HOMER2: variants seen among roughly 807,000 people sequenced by gnomAD.
HOMER2 encodes homer protein homolog 2.
In HOMER2, 27 loss-of-function variants were observed where a neutral mutation model predicts 47.0. That is an observed-to-expected ratio of 0.57 (90% CI 0.42 to 0.79). The LOEUF (loss-of-function observed/expected upper bound fraction) is 0.79, where lower values mean the gene tolerates loss of function less well. HOMER2 is among the 30% of genes least tolerant of loss of function. The probability of loss-of-function intolerance (pLI) is 0.00; values close to 1 mark genes in which losing one functional copy is unlikely to be tolerated. For missense variants in HOMER2, 443 were observed against 435.0 expected (o/e 1.02, Z -0.16); for synonymous variants, 161 against 163.8 (o/e 0.98, Z 0.13).
At chr15:82,964,739 C>T (rs560853156) in intron 1 of HOMER2, among the ~76,000 whole-genome samples, 65 of 152,210 alleles carry the variant, frequency 4.3e-4, no homozygotes, top group East Asian at 4.1e-3. Flanking sequence ...CACTGCACTC[C>T]GGCCTGGGTG....
At chr15:82,864,133 C>T in intron 4 of HOMER2, 34 bp downstream of exon 4, 1 of 1,406,410 alleles carries the variant, frequency 7.1e-7, no homozygotes, top group Non-Finnish European at 1.0e-6. Context: ...ATCACCAACC[C>T]CACTGGGATT....
At chr15:82,839,065 C>G (rs1421749173) in exon 2 of HOMER2, 1 of 151,648 alleles carries the variant, frequency 6.6e-6, no homozygotes, top group Non-Finnish European at 1.5e-5. Flanking sequence ...TCAGGACCAG[C>G]CTGGAAAACA....
At chr15:82,951,249 C>T (rs947894328) in intron 1 of HOMER2, among the ~76,000 whole-genome samples, 2 of 152,174 alleles carry the variant, frequency 1.3e-5, no homozygotes, top group Non-Finnish European at 2.9e-5. Flanking sequence ...CTCGCCTCCT[C>T]CTCTCTGTCA....
intron 1 of HOMER2, 22 bp from the exon 2 acceptor site, chr15:82,892,863 G>A (rs145054284): frequency 6.7e-7 from 1 of 1,497,380 alleles, no homozygotes. Context: ...GAGTGGGCGT[G>A]TGAGTTGAGA....
chr15:82,939,262 C>G (rs971347508), intron 1 of HOMER2, among the ~76,000 whole-genome samples: 1 of 152,186 alleles, frequency 6.6e-6, no homozygotes, highest in Admixed American at 6.6e-5. Context: ...GAAACATACA[C>G]GTCAATGGTA....
At chr15:82,908,138 C>T (rs1049280846) in intron 1 of HOMER2, among the ~76,000 whole-genome samples, 4 of 123,858 alleles carry the variant, frequency 3.2e-5, no homozygotes, top group African/African-American at 1.1e-4. Flanking sequence ...CTAATGGATT[C>T]TGACTTTCAG....
chr15:82,931,825 G>A (rs150893940), intron 1 of HOMER2, among the ~76,000 whole-genome samples: 47 of 152,274 alleles, frequency 3.1e-4, no homozygotes, highest in African/African-American at 9.4e-4. Context: ...GCGACAGAGC[G>A]AGACTCCGTC....
At position 82,932,811 on chromosome 15, in the gene HOMER2, G is replaced by A. The variant is rs1175240023; in HGVS notation, c.5+19720C>T. Among the ~76,000 whole-genome samples, 6 of 152,218 alleles carry A rather than the reference G, an allele frequency of 3.9e-5. 1 individual carries two copies. Among genetic ancestry groups the A allele is most frequent in the South Asian group, 4.1e-4 (2 of 4,826 alleles). On this transcript the variant is annotated intron_variant, in intron 1 of 8. Coordinates refer to ENST00000450735, the MANE Select transcript of HOMER2 (RefSeq NM_004839.4). ...ACAAGGTTTGGACAAAGCTTTTGGCGGCATCACAGGCCTTCTCCTCCTGCC... is the reference window on the plus strand; with the variant it reads ...ACAAGGTTTGGACAAAGCTTTTGGCAGCATCACAGGCCTTCTCCTCCTGCC...
At chr15:82,857,422 CTTTTTTTT>C (rs71156058) in intron 5 of HOMER2, among the ~76,000 whole-genome samples, 5 of 74,226 alleles carry the variant, frequency 6.7e-5, no homozygotes, top group East Asian at 4.7e-4. Context: ...GATGATACAG[CTTTTTTTT>C]TTTTTTTTTT....
chr15:82,915,693 T>G (rs75746817), intron 1 of HOMER2, among the ~76,000 whole-genome samples: 1 of 152,098 alleles, frequency 6.6e-6, no homozygotes, highest in African/African-American at 2.4e-5. Context: ...AAATAAAGCC[T>G]TAGAACTGCA....
chr15:82,891,015 G>A (rs1419364371), intron 2 of HOMER2, among the ~76,000 whole-genome samples: 3 of 152,164 alleles, frequency 2.0e-5, no homozygotes, highest in African/African-American at 7.2e-5. Flanking sequence ...CCAGGCACTA[G>A]CACACTTCCT....
chr15:82,895,640 C>A (rs947169228), intron 1 of HOMER2, among the ~76,000 whole-genome samples: 2 of 152,236 alleles, frequency 1.3e-5, no homozygotes, highest in South Asian at 4.1e-4. Context: ...TGTCAGAGCA[C>A]TAAATGGGCT....
At chr15:82,943,773 G>T (rs1391378527) in intron 1 of HOMER2, among the ~76,000 whole-genome samples, 1 of 152,214 alleles carries the variant, frequency 6.6e-6, no homozygotes, top group African/African-American at 2.4e-5. Flanking sequence ...CCCCTCACTG[G>T]TGATCTGGAC....
intron 8 of HOMER2, among the ~76,000 whole-genome samples, 173 bp downstream of exon 8, chr15:82,850,978 G>A (rs2051372576): frequency 5.9e-5 from 9 of 152,344 alleles, no homozygotes. Flanking sequence ...CTGCCCCGGG[G>A]GCAGGGGTGG....
chr15:82,923,212 G>A (rs973243216), intron 1 of HOMER2, among the ~76,000 whole-genome samples: 4 of 152,090 alleles, frequency 2.6e-5, no homozygotes, highest in South Asian at 2.1e-4. Context: ...TGGGCCAGGC[G>A]CAGTGGCTCA....
At chr15:82,858,151 T>C (rs1040278039) in intron 5 of HOMER2, among the ~76,000 whole-genome samples, 6 of 152,264 alleles carry the variant, frequency 3.9e-5, no homozygotes, top group Admixed American at 1.3e-4. Flanking sequence ...TTTATGGTTC[T>C]AGTTCATACT....
intron 1 of HOMER2, among the ~76,000 whole-genome samples, chr15:82,925,408 A>G (rs1375654680): frequency 6.6e-6 from 1 of 152,192 alleles, no homozygotes; most frequent in African/African-American, 2.4e-5. Flanking sequence ...ACCAGCTACC[A>G]CAACAGGTCT....
intron 1 of HOMER2, among the ~76,000 whole-genome samples, chr15:82,971,721 C>G (rs1383453209): frequency 1.3e-5 from 2 of 151,560 alleles, no homozygotes; most frequent in African/African-American, 2.4e-5. Context: ...AGTTCTGGGC[C>G]AGTGCTTCAA....
At chr15:82,909,912 A>G (rs2053403620) in intron 1 of HOMER2, among the ~76,000 whole-genome samples, 1 of 152,074 alleles carries the variant, frequency 6.6e-6, no homozygotes. Context: ...GGACAGATAG[A>G]TCACCCGAGG....
Sources: allele counts gnomAD v4.1 joint callset (sites outside exome capture counted in the v4.1 genomes callset), GRCh38; gene constraint gnomAD v4.1.1; transcripts MANE v1.5; gene names NCBI Gene and HGNC (gene_info 2026-07-23, HGNC 2026-07-21).